The following CCDC141 variants were observed in gnomAD, a reference collection of about 807,000 sequenced individuals.
CCDC141 encodes coiled-coil domain-containing protein 141.
A neutral mutation model predicts 181.0 loss-of-function variants in CCDC141; 168 were observed. That is an observed-to-expected ratio of 0.93 (90% CI 0.82 to 1.05). The LOEUF is 1.05. Among genes scored for constraint, CCDC141 ranks in the 50% least tolerant of loss-of-function variants. The pLI is 0.00. For synonymous variants in CCDC141, 666 were observed against 642.3 expected (o/e 1.04, Z -0.56); for missense variants, 1,902 against 1,788.5 (o/e 1.06, Z -1.14).
chr2:178,963,641 G>T (rs1203800979), intron 4 of CCDC141, among the ~76,000 whole-genome samples: 1 of 151,136 alleles, frequency 6.6e-6, no homozygotes, highest in African/African-American at 2.4e-5. Context: ...AGTTGGGCCA[G>T]TTTTCTCTTT....
intron 6 of CCDC141, among the ~76,000 whole-genome samples, chr2:178,939,953 G>A (rs982479322): frequency 6.6e-6 from 1 of 152,136 alleles, no homozygotes; most frequent in Non-Finnish European, 1.5e-5. Flanking sequence ...AACATCTGTT[G>A]ACCACAAGCA....
chr2:178,928,650 G>C (rs994593876), intron 6 of CCDC141, among the ~76,000 whole-genome samples: 2 of 152,178 alleles, frequency 1.3e-5, no homozygotes, highest in African/African-American at 4.8e-5. Flanking sequence ...TAAAGATTCT[G>C]TAAGCAAAAT....
rs1686904167 is a variant in CCDC141, at chr2:178,886,734, C to G, written c.1527+18G>C. 7.4e-7 allele frequency: 1 copy of G among 1,358,174 alleles called. No homozygotes were observed. The highest frequency in any genetic ancestry group is 1.0e-6 in the Non-Finnish European group (1 of 1,004,282). 84.1% of individuals were successfully genotyped at this position (1,358,174 alleles called of 1,614,324 possible). A position where few individuals can be genotyped will look rare whatever the true frequency, so the allele number is the denominator to read the frequency against. On this transcript the variant is annotated intron_variant, in intron 10 of 23. Coordinates refer to ENST00000443758, the MANE Select transcript of CCDC141 (RefSeq NM_173648.4). ...TTTACAAAATTATAGCCATAATAAT[C>G]ATTCTCATTTTATTTACCTTAGCTT... is the stretch of plus-strand genomic sequence containing the variant.
chr2:178,905,565 A>ACAAAACACAGG (rs1687927440), intron 7 of CCDC141, 64 bp from the exon 8 acceptor site: 1 of 1,371,700 alleles, frequency 7.3e-7, no homozygotes, highest in African/African-American at 1.5e-5. Context: ...CAACGTGTAC[A>ACAAAACACAGG]CAAAACACTG....
chr2:178,995,397 C>T (rs916528942), intron 2 of CCDC141, among the ~76,000 whole-genome samples: 10 of 152,068 alleles, frequency 6.6e-5, no homozygotes, highest in East Asian at 5.8e-4. Flanking sequence ...GAGAACAGCA[C>T]GGGAAAGACC....
intron 6 of CCDC141, among the ~76,000 whole-genome samples, chr2:178,941,958 C>CAAAAAAAAAAAAAAA (rs66903231): frequency 7.0e-5 from 5 of 71,496 alleles, no homozygotes; most frequent in African/African-American, 2.5e-4. Flanking sequence ...GATCCCATCT[C>CAAAAAAAAAAAAAAA]AAAAAAAAAA....
chr2:178,861,694 C>T (rs1282766937), intron 17 of CCDC141, among the ~76,000 whole-genome samples: 1 of 151,336 alleles, frequency 6.6e-6, no homozygotes, highest in Admixed American at 6.6e-5. Flanking sequence ...CTTGCCTAGG[C>T]TGGACTGGAA....
intron 9 of CCDC141, 72 bp downstream of exon 9, chr2:178,888,455 G>A: frequency 7.1e-7 from 1 of 1,401,370 alleles, no homozygotes; most frequent in Non-Finnish European, 9.8e-7. Flanking sequence ...CTCCCGCCAT[G>A]CCCACATACT....
chr2:178,840,290 A>G (rs1684668026), intron 22 of CCDC141, among the ~76,000 whole-genome samples: 4 of 152,214 alleles, frequency 2.6e-5, no homozygotes, highest in Admixed American at 2.6e-4. Flanking sequence ...ATAGAAGAGC[A>G]GGGACATTTG....
At position 178,981,636 on chromosome 2, in the gene CCDC141, G is replaced by GTATATA. The variant is rs1193430874; in HGVS notation, c.226-2967_226-2962dup. Among the ~76,000 whole-genome samples, 65 of 62,360 alleles carry GTATATA rather than the reference G, an allele frequency of 1.0e-3. 5 individuals carry two copies. The East Asian group carries it at 0.016, about 15-fold the overall frequency. The allele number at this position is 62,360 out of a possible 152,430, so 40.9% of individuals were successfully genotyped here. A position where few individuals can be genotyped will look rare whatever the true frequency, so the allele number is the denominator to read the frequency against. ...TTTGTAGCATTGAATGTGTGTGTGT[G>GTATATA]TATATATATATATATATATATACAT... On this transcript the variant is annotated intron_variant, in intron 2 of 23. Coordinates refer to ENST00000443758, the MANE Select transcript of CCDC141 (RefSeq NM_173648.4).
At chr2:179,002,518 T>C in intron 2 of CCDC141, 1 of 399,700 alleles carries the variant, frequency 2.5e-6, no homozygotes, top group Non-Finnish European at 5.0e-6. Context: ...TGTCCAACAA[T>C]ATGTGGTAAG....
chr2:178,883,913 G>A (rs75124712), intron 11 of CCDC141, among the ~76,000 whole-genome samples: 2,076 of 151,986 alleles, frequency 0.014, 42 homozygotes, highest in African/African-American at 0.047. Context: ...AGCTCTGAGG[G>A]GTAACATATG....
Position 179,047,229 on chromosome 2 carries a change from A to G in CCDC141, c.225+55T>C, listed in dbSNP as rs956953071. On this transcript the variant is annotated intron_variant, in intron 2 of 23. Transcript: ENST00000443758. Reference sequence around the variant, plus strand: ...AGCAGAGGAATCAAGAAGTATAAGAAATAGTTTTTTATGTCTCTTTAATTT... The same window carrying G: ...AGCAGAGGAATCAAGAAGTATAAGAGATAGTTTTTTATGTCTCTTTAATTT... 25 of 1,452,690 alleles carry G rather than the reference A, an allele frequency of 1.7e-5. No homozygotes were observed. The Admixed American group carries it at 1.7e-4, about 10-fold the overall frequency. 90.0% of individuals were successfully genotyped at this position (1,452,690 alleles called of 1,614,324 possible). A position where few individuals can be genotyped will look rare whatever the true frequency, so the allele number is the denominator to read the frequency against.
At chr2:178,990,067 A>T (rs935357190) in intron 2 of CCDC141, among the ~76,000 whole-genome samples, 5 of 150,528 alleles carry the variant, frequency 3.3e-5, no homozygotes, top group African/African-American at 9.8e-5. Flanking sequence ...TGAACCTGGG[A>T]GGCAAAGGTT....
At chr2:178,981,699 G>GA (rs1420151849) in intron 2 of CCDC141, among the ~76,000 whole-genome samples, 1 of 115,478 alleles carries the variant, frequency 8.7e-6, no homozygotes, top group African/African-American at 3.3e-5. Context: ...GAGAGAGAGA[G>GA]AGAAAAAAAA....
At chr2:178,960,178 A>AACACTGAATTAGAAG (rs1351668082) in intron 5 of CCDC141, among the ~76,000 whole-genome samples, 1 of 152,208 alleles carries the variant, frequency 6.6e-6, no homozygotes, top group Admixed American at 6.5e-5. Context: ...AAGGTTGAGA[A>AACACTGAATTAGAAG]ACACTGAATT....
intron 13 of CCDC141, 74 bp downstream of exon 13, chr2:178,872,059 G>A (rs2154369217): frequency 7.0e-7 from 1 of 1,438,602 alleles, no homozygotes; most frequent in Admixed American, 2.1e-5. Flanking sequence ...CTTAGCTAGT[G>A]TTTTCAAGGT....
chr2:178,997,595 G>A (rs769659918), intron 2 of CCDC141, among the ~76,000 whole-genome samples: 9 of 152,250 alleles, frequency 5.9e-5, no homozygotes, highest in Middle Eastern at 3.4e-3. Flanking sequence ...TAGTTGTCAC[G>A]TGTGTGTAGT....
In CCDC141 at chr2:178,888,632, G is replaced by A; in HGVS notation, c.1302C>T (p.Cys434=). The A allele has an allele frequency of 1.3e-6, 2 of 1,550,674 alleles. No homozygotes were observed. The highest frequency in any genetic ancestry group is 1.7e-6 in the Non-Finnish European group (2 of 1,146,858). Residue 434 remains cysteine (C), a synonymous_variant, in exon 9 of 24, where the codon TGC becomes TGT. Transcript: ENST00000443758. ...TCAGATGATCCACTCGTCTCTTAAT[G>A]CACCCCATCATCTCATGGATGCCGG... ...QVSGIHEMMG[C]IKRRVDHLTE...
Sources: allele counts gnomAD v4.1 joint callset (sites outside exome capture counted in the v4.1 genomes callset), GRCh38; gene constraint gnomAD v4.1.1; transcripts MANE v1.5; gene names NCBI Gene and HGNC (gene_info 2026-07-23, HGNC 2026-07-21).